TUBA1C: variants seen among roughly 807,000 people sequenced by gnomAD.
TUBA1C encodes the protein tubulin alpha 1c, also known as tubulin alpha-1C chain.
Under a neutral mutation model 34.9 loss-of-function variants are expected in TUBA1C, and 16 were observed. The observed-to-expected ratio is 0.46, with a 90% CI of 0.31 to 0.70. The LOEUF is 0.70. Among genes scored for constraint, TUBA1C ranks in the 30% least tolerant of loss-of-function variants. The pLI is 0.05. For missense variants in TUBA1C, 329 were observed against 587.3 expected, an observed-to-expected ratio of 0.56 and a Z score of 4.55; for synonymous variants, 177 against 215.9, an observed-to-expected ratio of 0.82 and a Z score of 1.58.
chr12:49,257,094 C>T (rs1211849910), intron 1 of TUBA1C, among the ~76,000 whole-genome samples: 4 of 149,846 alleles, frequency 2.7e-5, no homozygotes, highest in Non-Finnish European at 4.4e-5. Context: ...GCAAGAGAAT[C>T]ACTTGAACCC....
chr12:49,264,990 C>G (rs1206600908), upstream of TUBA1C: 3 of 776,780 alleles, frequency 3.9e-6, no homozygotes, highest in Non-Finnish European at 5.3e-6. Flanking sequence ...AAGGTGGGGC[C>G]GCAGCGGCAC....
At chr12:49,236,422 T>C (rs1478337928) in intron 1 of TUBA1C, among the ~76,000 whole-genome samples, 1 of 152,242 alleles carries the variant, frequency 6.6e-6, no homozygotes, top group Non-Finnish European at 1.5e-5. Flanking sequence ...AAACATGTTA[T>C]CAAGCATAGT....
intron 1 of TUBA1C, among the ~76,000 whole-genome samples, chr12:49,256,871 T>C (rs1399033704): frequency 6.6e-6 from 1 of 152,130 alleles, no homozygotes; most frequent in Non-Finnish European, 1.5e-5. Context: ...TCTATATTAA[T>C]GTTCTTGGAG....
At position 49,229,827 on chromosome 12, in the gene TUBA1C, C is replaced by G. The variant is rs555573064; in HGVS notation, c.213+1661C>G. Among the ~76,000 whole-genome samples, 48 of 151,964 alleles carry G rather than the reference C, an allele frequency of 3.2e-4. No homozygotes were observed. In the South Asian group the frequency reaches 1.0e-2, roughly 32 times the overall value. On this transcript the variant is annotated intron_variant, in intron 1 of 3. Transcript: ENST00000541364. Reference sequence around the variant, plus strand: ...TTATTTTTTGAGATGGAGTCTTGCTCTGTCGCCCAGGCTGCAATGGCACAG... The same window carrying G: ...TTATTTTTTGAGATGGAGTCTTGCTGTGTCGCCCAGGCTGCAATGGCACAG...
At chr12:49,262,432 CAA>C (rs781394639), upstream of TUBA1C, among the ~76,000 whole-genome samples, 32 of 100,226 alleles carry the variant, frequency 3.2e-4, no homozygotes, top group Non-Finnish European at 3.5e-4. Context: ...AGTTTTATAG[CAA>C]AAAAAAAAAA....
intron 1 of TUBA1C, among the ~76,000 whole-genome samples, chr12:49,267,244 A>G (rs958461935): frequency 6.6e-6 from 1 of 152,242 alleles, no homozygotes; most frequent in Admixed American, 6.5e-5. Context: ...CAGAAGAAGC[A>G]TTTGTTAGAA....
chr12:49,273,287 A>G lies in TUBA1C; in HGVS notation c.*60A>G. The G allele has an allele frequency of 6.2e-7, 1 of 1,613,630 alleles. No homozygotes were observed. Among genetic ancestry groups the G allele is most frequent in the Non-Finnish European group, 8.5e-7 (1 of 1,179,704 alleles). On this transcript the variant is annotated 3_prime_UTR_variant, in exon 4 of 4. Coordinates refer to ENST00000301072, the MANE Select transcript of TUBA1C (RefSeq NM_032704.5). ...GAACTGTCTTATTTTTGTTCTGTAA[A>G]TGTCTATTGCCGTAAATTGTTAATA...
chr12:49,256,598 T>C (rs1178057786), intron 1 of TUBA1C: 1 of 276,380 alleles, frequency 3.6e-6, no homozygotes, highest in Non-Finnish European at 7.5e-6. Flanking sequence ...CACAAAGAAC[T>C]TTCAGGGGTT....
At chr12:49,267,336 G>C (rs1199063092) in intron 1 of TUBA1C, among the ~76,000 whole-genome samples, 1 of 152,146 alleles carries the variant, frequency 6.6e-6, no homozygotes, top group Non-Finnish European at 1.5e-5. Context: ...CAGCTTTTTG[G>C]GGCTTGGGCG....
intron 1 of TUBA1C, among the ~76,000 whole-genome samples, chr12:49,247,154 AAG>A (rs958848204): frequency 2.4e-4 from 36 of 152,118 alleles, no homozygotes; most frequent in Non-Finnish European, 4.3e-4. Flanking sequence ...AAAAAAAAGA[AAG>A]AAAAAAAAAG....
chr12:49,242,045 A>G (rs998384942), intron 1 of TUBA1C, among the ~76,000 whole-genome samples: 1 of 148,244 alleles, frequency 6.7e-6, no homozygotes, highest in Non-Finnish European at 1.5e-5. Flanking sequence ...GCTGGAGTGC[A>G]GTGGCGTGAT....
intron 1 of TUBA1C, among the ~76,000 whole-genome samples, chr12:49,234,722 A>C (rs893177241): frequency 6.6e-6 from 1 of 152,260 alleles, no homozygotes; most frequent in Non-Finnish European, 1.5e-5. Context: ...GCCTTTCTTC[A>C]CATATCGCTG....
chr12:49,247,253 A>T (rs1341314455), intron 1 of TUBA1C, among the ~76,000 whole-genome samples: 1 of 151,918 alleles, frequency 6.6e-6, no homozygotes, highest in Non-Finnish European at 1.5e-5. Flanking sequence ...AGCCCAGGCA[A>T]GTCACTAAAC....
chr12:49,238,658 A>T (rs79181079), intron 1 of TUBA1C, among the ~76,000 whole-genome samples: 326 of 152,158 alleles, frequency 2.1e-3, no homozygotes, highest in South Asian at 0.011. Flanking sequence ...TCATTTTAAA[A>T]TTTTTTTGCT....
In TUBA1C at chr12:49,240,035, G is replaced by GACACACACAC. The variant is rs5798100; in HGVS notation, c.213+11902_213+11911dup. 2.4e-3 allele frequency among the ~76,000 whole-genome samples: 330 copies of GACACACACAC among 138,774 alleles called. 4 individuals are homozygous for GACACACACAC. The highest frequency in any genetic ancestry group is 8.4e-3 in the African/African-American group (317 of 37,670). The allele number at this position is 138,774 out of a possible 152,430, so 91.0% of individuals were successfully genotyped here. A position where few individuals can be genotyped will look rare whatever the true frequency, so the allele number is the denominator to read the frequency against. ...AGGGTGCCTCCACCCTCAGAGCACA[G>GACACACACAC]ACACACACACACACACACACACACA... is the stretch of plus-strand genomic sequence containing the variant. On this transcript the variant is annotated intron_variant, in intron 1 of 3. Transcript: ENST00000541364.
intron 1 of TUBA1C, among the ~76,000 whole-genome samples, chr12:49,265,435 C>G (rs1479460386): frequency 6.6e-6 from 1 of 152,228 alleles, no homozygotes; most frequent in African/African-American, 2.4e-5. Context: ...CTAGTGAGGG[C>G]TTTCCCCGCA....
In TUBA1C at chr12:49,273,301, A is replaced by G. The variant is rs756408489; in HGVS notation, c.*74A>G. The G allele has an allele frequency of 8.1e-6, 13 of 1,611,894 alleles. No individual in the cohort carries two copies. The South Asian group carries it at 1.1e-4, about 14-fold the overall frequency. On this transcript the variant is annotated 3_prime_UTR_variant, in exon 4 of 4. Transcript: ENST00000301072. ...TTGTTCTGTAAATGTCTATTGCCGT[A>G]AATTGTTAATAAAATTGAAGTTTCC...
intron 1 of TUBA1C, among the ~76,000 whole-genome samples, chr12:49,253,360 C>A (rs1473437057): frequency 6.6e-6 from 1 of 151,928 alleles, no homozygotes; most frequent in Non-Finnish European, 1.5e-5. Context: ...TGGAAGGAGA[C>A]CTGAGGATGT....
intron 1 of TUBA1C, among the ~76,000 whole-genome samples, chr12:49,252,739 G>A (rs190786425): frequency 5.3e-4 from 81 of 152,152 alleles, no homozygotes; most frequent in Admixed American, 2.2e-3. Context: ...GTGAAACCCC[G>A]TCTCTACTGA....
Sources: allele counts gnomAD v4.1 joint callset (sites outside exome capture counted in the v4.1 genomes callset), GRCh38; gene constraint gnomAD v4.1.1; transcripts MANE v1.5; gene names NCBI Gene and HGNC (gene_info 2026-07-23, HGNC 2026-07-21).